CMYA5: variants seen among roughly 807,000 people sequenced by gnomAD.
CMYA5 encodes the protein cardiomyopathy associated 5, also known as cardiomyopathy-associated protein 5.
CMYA5 carries 246 observed loss-of-function variants against 318.9 expected under a neutral mutation model. The observed-to-expected ratio is 0.77, with a 90% CI of 0.70 to 0.86. The LOEUF is 0.86. Among genes scored for constraint, CMYA5 ranks in the 40% least tolerant of loss-of-function variants. CMYA5 has a pLI of 0.00. For missense variants in CMYA5, 4,589 were observed against 4,678.2 expected (o/e 0.98, Z 0.56); for synonymous variants, 1,641 against 1,729.5 (o/e 0.95, Z 1.27).
intron 10 of CMYA5, 89 bp downstream of exon 10, chr5:79,789,193 T>C (rs1829134473): frequency 6.9e-7 from 1 of 1,448,970 alleles, no homozygotes; most frequent in Non-Finnish European, 9.4e-7. Context: ...GGCAACTTTA[T>C]AAACTCCCAA....
In CMYA5 at chr5:79,734,146, C is replaced by G. The variant is rs757121663; in HGVS notation, c.5381C>G (p.Thr1794Arg). 1 of 1,613,776 alleles carries G rather than the reference C, an allele frequency of 6.2e-7. No individual in the cohort carries two copies. The highest frequency in any genetic ancestry group is 8.5e-7 in the Non-Finnish European group (1 of 1,179,812). ...GDILDKLSEE[T>R]GHPNSSQVLQ... Reference sequence around the variant, plus strand: ...ATTTTAGATAAGCTAAGTGAAGAAACAGGCCACCCAAATTCATCCCAGGTA... The same window carrying G: ...ATTTTAGATAAGCTAAGTGAAGAAAGAGGCCACCCAAATTCATCCCAGGTA... The change falls in exon 2 of 13, where the codon ACA becomes AGA. Residue 1794 changes from threonine (T) to arginine (R), a missense_variant. By Grantham distance (71) the Thr-to-Arg change is moderately conservative. Coordinates refer to ENST00000446378, the MANE Select transcript of CMYA5 (RefSeq NM_153610.5).
chr5:79,746,547 TAAAAAAAAAAA>T (rs11423461), intron 4 of CMYA5, among the ~76,000 whole-genome samples: 2 of 68,914 alleles, frequency 2.9e-5, no homozygotes, highest in African/African-American at 5.7e-5. Flanking sequence ...GAGCAAACTG[TAAAAAAAAAAA>T]AAAAAAAAAA....
At chr5:79,788,137 C>A (rs1426773770) in intron 9 of CMYA5, among the ~76,000 whole-genome samples, 6 of 151,920 alleles carry the variant, frequency 3.9e-5, no homozygotes, top group African/African-American at 1.5e-4. Flanking sequence ...AGGTTAGGAA[C>A]TTTCATTAGC....
At chr5:79,706,476 C>T (rs1029802237) in intron 1 of CMYA5, among the ~76,000 whole-genome samples, 12 of 152,144 alleles carry the variant, frequency 7.9e-5, no homozygotes, top group South Asian at 2.1e-4. Flanking sequence ...GCTAGACAAC[C>T]GGTTAGACCA....
chr5:79,771,329 T>C (rs1400965527), intron 9 of CMYA5, among the ~76,000 whole-genome samples: 1 of 152,174 alleles, frequency 6.6e-6, no homozygotes, highest in Non-Finnish European at 1.5e-5. Flanking sequence ...TCATTGATGC[T>C]ATATGAGAAG....
Position 79,738,881 on chromosome 5 carries a change from T to C in CMYA5, c.10116T>C (p.Asn3372=), listed in dbSNP as rs977243289. ...ATGCAAGTCCAGAGGTCAATCTGAA[T>C]GTCCCAGTACAAGTGTCCTTCCCGG... The part of the protein sequence containing the change: ...VGNASPEVNL[N]VPVQVSFPEE... The change falls in exon 2 of 13, where the codon AAT becomes AAC. Residue 3372 remains asparagine (N), a synonymous_variant. Coordinates refer to ENST00000446378, the MANE Select transcript of CMYA5 (RefSeq NM_153610.5). The C allele has an allele frequency of 1.9e-6, 3 of 1,613,938 alleles. No individual in the cohort carries two copies. The highest frequency in any genetic ancestry group is 2.5e-6 in the Non-Finnish European group (3 of 1,179,864).
intron 1 of CMYA5, among the ~76,000 whole-genome samples, chr5:79,714,832 A>C (rs1827483523): frequency 6.6e-6 from 1 of 152,136 alleles, no homozygotes; most frequent in Admixed American, 6.5e-5. Context: ...GCTAGTCTCT[A>C]ATTTCCTGGA....
rs1450992539 is a variant in CMYA5 at position 79,731,976 on chromosome 5, T to C, written c.3211T>C (p.Leu1071=). The C allele has an allele frequency of 1.9e-6, 3 of 1,613,688 alleles. No individual in the cohort carries two copies. The highest frequency in any genetic ancestry group is 2.5e-6 in the Non-Finnish European group (3 of 1,179,806). ...SQKQKAETFP[L]MSPLEDLSLP... is the part of the protein sequence containing the mutation. ...GAAGCAAAAAGCTGAAACTTTCCCT[T>C]TGATGTCTCCGCTTGAAGACTTAAG... The change falls in exon 2 of 13, where the codon TTG becomes CTG. Residue 1071 remains leucine, a synonymous_variant. Coordinates refer to ENST00000446378, the MANE Select transcript of CMYA5 (RefSeq NM_153610.5).
intron 9 of CMYA5, among the ~76,000 whole-genome samples, chr5:79,769,593 A>C (rs1217754312): frequency 6.6e-6 from 1 of 152,008 alleles, no homozygotes. Flanking sequence ...CTGGAGGTCC[A>C]CTCCAGACCC....
intron 1 of CMYA5, among the ~76,000 whole-genome samples, chr5:79,698,067 C>T (rs1365789165): frequency 6.6e-6 from 1 of 152,046 alleles, no homozygotes; most frequent in African/African-American, 2.4e-5. Flanking sequence ...CAGTTATTTA[C>T]CATAATATGT....
In CMYA5 at chr5:79,799,760, A is replaced by G; in HGVS notation, c.*144A>G. On this transcript the variant is annotated 3_prime_UTR_variant, in exon 13 of 13. Transcript: ENST00000446378. ...CTGCATGCATAGCAATCAGCATGTGAGCAAAATCGACAAGAAAACCTTGAC... is the reference window on the plus strand; with the variant it reads ...CTGCATGCATAGCAATCAGCATGTGGGCAAAATCGACAAGAAAACCTTGAC... 1 of 1,093,008 alleles carries G rather than the reference A, an allele frequency of 9.1e-7. No individual in the cohort carries two copies. Among genetic ancestry groups the G allele is most frequent in the East Asian group, 2.7e-5 (1 of 37,524 alleles). The allele number at this position is 1,093,008 out of a possible 1,614,324, so 67.7% of individuals were successfully genotyped here. A position where few individuals can be genotyped will look rare whatever the true frequency, so the allele number is the denominator to read the frequency against.
chr5:79,731,462 T>G lies in CMYA5; in HGVS notation c.2697T>G (p.Ser899=). The G allele has an allele frequency of 6.2e-7, 1 of 1,609,308 alleles. No individual in the cohort carries two copies. Among genetic ancestry groups the G allele is most frequent in the Non-Finnish European group, 8.5e-7 (1 of 1,177,162 alleles). The change falls in exon 2 of 13, where the codon TCT becomes TCG. Residue 899 remains serine, a synonymous_variant. Coordinates refer to ENST00000446378, the MANE Select transcript of CMYA5 (RefSeq NM_153610.5). The part of the protein sequence containing the change: ...ELERYTPSST[S]ASEFSVPPYA... ...AACGATACACACCCTCTTCTACATC[T>G]GCTTCTGAATTTTCAGTACCACCAT...
In CMYA5 at chr5:79,733,810, A is replaced by G; in HGVS notation, c.5045A>G (p.Lys1682Arg). 6.2e-7 allele frequency: 1 copy of G among 1,613,748 alleles called. No individual in the cohort carries two copies. Among genetic ancestry groups the G allele is most frequent in the Non-Finnish European group, 8.5e-7 (1 of 1,179,794 alleles). The change falls in exon 2 of 13, where the codon AAA (lysine) becomes AGA (arginine). Residue 1682 changes from lysine (K) to arginine (R), a missense_variant. Transcript: ENST00000446378. ...GPAELRSREGKEENRELCASS... is the reference protein window; with the variant it reads ...GPAELRSREGREENRELCASS... Reference sequence around the variant, plus strand: ...GCTGAGCTTAGGAGCAGAGAAGGAAAAGAAGAAAATAGAGAGCTTTGTGCA... The same window carrying G: ...GCTGAGCTTAGGAGCAGAGAAGGAAGAGAAGAAAATAGAGAGCTTTGTGCA...
chr5:79,739,122 C>A lies in CMYA5; in HGVS notation c.10357C>A (p.Gln3453Lys). 4 of 1,613,846 alleles carry A rather than the reference C, an allele frequency of 2.5e-6. No homozygotes were observed. In the South Asian group the frequency reaches 4.4e-5, roughly 18 times the overall value. ...ATCCACACCTGAAGATGTCTTATCT[C>A]AAGGAAAGGAATCCTTTGAGCACAT... is the stretch of plus-strand genomic sequence containing the variant. ...SESTPEDVLS[Q>K]GKESFEHISE... The change falls in exon 2 of 13, where the codon CAA (glutamine) becomes AAA (lysine). Residue 3453 changes from glutamine to lysine, a missense_variant. Coordinates refer to ENST00000446378, the MANE Select transcript of CMYA5 (RefSeq NM_153610.5).
At chr5:79,745,491 G>T (rs377723767) in intron 4 of CMYA5, 36 bp downstream of exon 4, 1 of 1,318,146 alleles carries the variant, frequency 7.6e-7, no homozygotes. Flanking sequence ...AACACCTTGC[G>T]CCCACTCTGG....
rs150195879 is a variant in CMYA5 at position 79,696,565 on chromosome 5, G to C, written c.149+6509G>C. Among the ~76,000 whole-genome samples the C allele has an allele frequency of 3.1e-3, 471 of 152,134 alleles. 4 individuals carry two copies. Among genetic ancestry groups the C allele is most frequent in the African/African-American group, 9.6e-3 (398 of 41,494 alleles). ...TGCTAAATAGAAATTTACATTCACT[G>C]TTATATACCATAAATATATACAATT... is the stretch of plus-strand genomic sequence containing the variant. On this transcript the variant is annotated intron_variant, in intron 1 of 12. Coordinates refer to ENST00000446378, the MANE Select transcript of CMYA5 (RefSeq NM_153610.5).
chr5:79,773,020 A>C (rs558030347), intron 9 of CMYA5, among the ~76,000 whole-genome samples: 9 of 152,180 alleles, frequency 5.9e-5, no homozygotes, highest in Non-Finnish European at 1.0e-4. Flanking sequence ...CTTTTTGTCC[A>C]TTATATTAGA....
At chr5:79,690,266 C>A (rs1467993301) in intron 1 of CMYA5, among the ~76,000 whole-genome samples, 2 of 152,164 alleles carry the variant, frequency 1.3e-5, no homozygotes, top group East Asian at 3.9e-4. Flanking sequence ...TTCATTACCC[C>A]CGCCCCCAGC....
At chr5:79,700,318 G>A (rs1489508580) in intron 1 of CMYA5, among the ~76,000 whole-genome samples, 1 of 152,214 alleles carries the variant, frequency 6.6e-6, no homozygotes, top group African/African-American at 2.4e-5. Context: ...CTGTAGGTGA[G>A]AGGTGCTGCC....
Sources: allele counts gnomAD v4.1 joint callset (sites outside exome capture counted in the v4.1 genomes callset), GRCh38; gene constraint gnomAD v4.1.1; transcripts MANE v1.5; gene names NCBI Gene and HGNC (gene_info 2026-07-23, HGNC 2026-07-21).